Variants in SLC5A4 observed in about 807,000 individuals in gnomAD.
SLC5A4 encodes the protein probable glucose sensor protein SLC5A4.
Under a neutral mutation model 70.3 loss-of-function variants are expected in SLC5A4, and 55 were observed. The observed-to-expected ratio is 0.78, with a 90% CI of 0.63 to 0.98. The LOEUF (loss-of-function observed/expected upper bound fraction) is 0.98, where lower values mean the gene tolerates loss of function less well. SLC5A4 is among the 50% of genes least tolerant of loss of function. SLC5A4 has a pLI of 0.00. For missense variants in SLC5A4, 735 were observed against 839.2 expected (o/e 0.88, Z 1.53); for synonymous variants, 268 against 305.7 (o/e 0.88, Z 1.29).
chr22:32,322,475 C>T, the SLC5A4 span, among the ~76,000 whole-genome samples: 1 of 152,006 alleles, frequency 6.6e-6, no homozygotes, highest in Non-Finnish European at 1.5e-5. Context: ...ATCCCAGCTA[C>T]TCAGGAGGCT....
At position 32,254,130 on chromosome 22, in the gene SLC5A4, C is replaced by T. The variant is rs558717366; in HGVS notation, c.207+12G>A. ...CAGGAAATTTATCTCCAGAAAACTTCGATCCACTTACCGGCCACCAGGCCA... is the reference window on the plus strand; with the variant it reads ...CAGGAAATTTATCTCCAGAAAACTTTGATCCACTTACCGGCCACCAGGCCA... On this transcript the variant is annotated intron_variant, in intron 2 of 14. Transcript: ENST00000266086. 2.3e-5 allele frequency: 37 copies of T among 1,609,462 alleles called. No homozygotes were observed. The highest frequency in any genetic ancestry group is 4.5e-5 in the East Asian group (2 of 44,856).
intron 5 of SLC5A4, among the ~76,000 whole-genome samples, chr22:32,240,022 C>CAAA (rs35616277): frequency 7.3e-4 from 54 of 74,018 alleles, no homozygotes; most frequent in South Asian, 1.0e-3. Context: ...GACTCCATCT[C>CAAA]AAAAAAAAAA....
In SLC5A4 at chr22:32,225,577, T is replaced by A. The variant is rs1292143449; in HGVS notation, c.1449+78A>T. On this transcript the variant is annotated intron_variant, in intron 12 of 14. Transcript: ENST00000266086. The stretch of plus-strand genomic sequence containing the variant: ...ATTTGCATAAATAGGGGAGAAAGAA[T>A]GTATTTTGATACCCCAGTGAAATAA... The A allele has an allele frequency of 3.5e-6, 3 of 861,314 alleles. No individual in the cohort carries two copies. The African/African-American group carries it at 5.1e-5, about 15-fold the overall frequency. The allele number at this position is 861,314 out of a possible 1,614,324, so 53.4% of individuals were successfully genotyped here.
At chr22:32,286,730 G>A in the SLC5A4 span, among the ~76,000 whole-genome samples, 3 of 152,186 alleles carry the variant, frequency 2.0e-5, no homozygotes, top group African/African-American at 7.2e-5. Flanking sequence ...AGAAGGCTAA[G>A]AAAGAAGGCT....
At chr22:32,262,042 T>C in the SLC5A4 span, among the ~76,000 whole-genome samples, 17 of 152,250 alleles carry the variant, frequency 1.1e-4, no homozygotes, top group Non-Finnish European at 2.1e-4. Context: ...ATTGTGCATA[T>C]ACATCACATT....
rs1275955560 is a variant in SLC5A4, at chr22:32,221,193, A to G, written c.1666-171T>C. 2.0e-5 allele frequency among the ~76,000 whole-genome samples: 3 copies of G among 152,204 alleles called. No individual in the cohort carries two copies. In the East Asian group the frequency reaches 5.8e-4, roughly 29 times the overall value. On this transcript the variant is annotated intron_variant, in intron 13 of 14. Transcript: ENST00000266086. ...CACACTCACTCATCAAAACACACTA[A>G]TCATTTTAAATTTTTTTCTGTTTTT...
chr22:32,327,699 C>T, the SLC5A4 span, among the ~76,000 whole-genome samples: 1 of 152,146 alleles, frequency 6.6e-6, no homozygotes, highest in Non-Finnish European at 1.5e-5. Flanking sequence ...TTCCCATCCC[C>T]TGCAGACCTG....
At chr22:32,273,238 A>G in the SLC5A4 span, 3 of 341,914 alleles carry the variant, frequency 8.8e-6, no homozygotes, top group African/African-American at 4.3e-5. Flanking sequence ...AAAAATATTC[A>G]TATACTATAA....
Position 32,218,531 on chromosome 22 carries a change from G to A in SLC5A4, c.1963C>T (p.His655Tyr), listed in dbSNP as rs749651490. 1 of 1,605,408 alleles carries A rather than the reference G, an allele frequency of 6.2e-7. No homozygotes were observed. The highest frequency in any genetic ancestry group is 8.5e-7 in the Non-Finnish European group (1 of 1,175,118). ...GATAGAGTTCAGGCATAGTAGCCGT[G>A]AATAAAGACCACCACAGCCAGGAGG... ...ILLLAVVVFI[H>Y]GYYA The change falls in exon 15 of 15, where the codon CAC becomes TAC. Residue 655 changes from histidine to tyrosine, a missense_variant. His to Tyr is a moderately conservative substitution (Grantham distance 83). Coordinates refer to ENST00000266086, the MANE Select transcript of SLC5A4 (RefSeq NM_014227.3).
Position 32,225,711 on chromosome 22 carries a change from G to A in SLC5A4, c.1393C>T (p.Pro465Ser). The A allele has an allele frequency of 6.2e-7, 1 of 1,613,052 alleles. No homozygotes were observed. The highest frequency in any genetic ancestry group is 8.5e-7 in the Non-Finnish European group (1 of 1,179,134). Residue 465 changes from proline (P) to serine (S), a missense_variant, in exon 12 of 15, where the codon CCT (proline) becomes TCT (serine). Coordinates refer to ENST00000266086, the MANE Select transcript of SLC5A4 (RefSeq NM_014227.3). Reference protein sequence around the residue: ...YTESISSYLGPPIAAVFVLAI... With the variant: ...YTESISSYLGSPIAAVFVLAI... ...AGCACAAAGACAGCTGCAATTGGAG[G>A]CCCAAGGTAGCTAGAAATTGATTCT...
At chr22:32,247,261 T>C in intron 5 of SLC5A4, 150 bp downstream of exon 5, 1 of 615,238 alleles carries the variant, frequency 1.6e-6, no homozygotes, top group Non-Finnish European at 2.9e-6. Flanking sequence ...ATGAAGACTT[T>C]GAAGAGACAG....
the SLC5A4 span, among the ~76,000 whole-genome samples, chr22:32,279,204 A>C: frequency 1.3e-5 from 2 of 152,252 alleles, no homozygotes; most frequent in Non-Finnish European, 2.9e-5. Context: ...TGAACCCGGG[A>C]GGCGGAGCTT....
the SLC5A4 span, among the ~76,000 whole-genome samples, chr22:32,261,553 G>A: frequency 6.6e-6 from 1 of 152,168 alleles, no homozygotes; most frequent in Admixed American, 6.5e-5. Flanking sequence ...CCAGGGGCAG[G>A]GTCAGAGTCC....
chr22:32,318,796 A>G, the SLC5A4 span, among the ~76,000 whole-genome samples: 2 of 152,188 alleles, frequency 1.3e-5, no homozygotes. Context: ...GTAGAAGCTA[A>G]AGCCCTTCCC....
the SLC5A4 span, among the ~76,000 whole-genome samples, chr22:32,351,884 G>C: frequency 6.6e-6 from 1 of 151,610 alleles, no homozygotes; most frequent in African/African-American, 2.4e-5. Flanking sequence ...AAGGACACAA[G>C]AAATAGAAGC....
Position 32,255,206 on chromosome 22 carries a change from C to T in SLC5A4, c.124G>A (p.Val42Ile), listed in dbSNP as rs375952147. ...IVIYFLVVMA[V>I]GLWAMLKTNR... ...GGGATTCCACCTACCCACAGCCCAA[C>T]AGCCATCACCACCAGAAAATAGATG... Residue 42 changes from valine to isoleucine, a missense_variant, in exon 1 of 15, where the codon GTT becomes ATT. Physicochemically the swap from Val to Ile is conservative, Grantham distance 29 (BLOSUM62 3). Transcript: ENST00000266086. 6.2e-7 allele frequency: 1 copy of T among 1,613,950 alleles called. No individual in the cohort carries two copies. The highest frequency in any genetic ancestry group is 8.5e-7 in the Non-Finnish European group (1 of 1,180,024).
chr22:32,330,920 AGGCC>A, the SLC5A4 span, among the ~76,000 whole-genome samples: 7 of 28,146 alleles, frequency 2.5e-4, no homozygotes, highest in African/African-American at 4.2e-4. Context: ...TGTGTGTTGG[AGGCC>A]TCTGGTGTGT....
the SLC5A4 span, among the ~76,000 whole-genome samples, chr22:32,337,320 C>T: frequency 6.6e-6 from 1 of 152,184 alleles, no homozygotes; most frequent in Non-Finnish European, 1.5e-5. Flanking sequence ...ATTGCCTGGG[C>T]TTAGGAGTTC....
chr22:32,290,013 G>C, the SLC5A4 span, among the ~76,000 whole-genome samples: 2 of 152,146 alleles, frequency 1.3e-5, no homozygotes, highest in Non-Finnish European at 2.9e-5. Flanking sequence ...TTCTAGAAGA[G>C]CTTATGATTG....
Sources: gnomAD v4.1 joint callset for allele counts (sites outside exome capture counted in the v4.1 genomes callset) on GRCh38, gnomAD v4.1.1 for gene constraint, MANE v1.5 for transcripts, NCBI Gene and HGNC (gene_info 2026-07-23, HGNC 2026-07-21) for gene names.